The following ABCB11 variants were observed in gnomAD, a reference collection of about 807,000 sequenced individuals.
ABCB11 encodes the protein ATP binding cassette subfamily B member 11, also known as bile salt export pump.
Under a neutral mutation model 148.0 loss-of-function variants are expected in ABCB11, and 95 were observed. The ratio of observed to expected loss-of-function variants is 0.64; its 90% confidence interval spans 0.54 to 0.76. The LOEUF (loss-of-function observed/expected upper bound fraction) is 0.76, where lower values mean the gene tolerates loss of function less well. ABCB11 is among the 30% of genes least tolerant of loss of function. The probability of loss-of-function intolerance (pLI) is 0.00; values close to 1 mark genes in which losing one functional copy is unlikely to be tolerated. For missense variants in ABCB11, 1,523 were observed against 1,617.8 expected, an observed-to-expected ratio of 0.94 and a Z score of 1.01; for synonymous variants, 591 against 555.4, an observed-to-expected ratio of 1.06 and a Z score of -0.90.
rs891629448 is a variant in ABCB11, at chr2:168,922,199, C to T, written c.*1423G>A. ...TTTCCCCAGAAAATCATTCTTCAAT[C>T]TCCTGCCAGAAGAGAGGGGCTGGGA... On this transcript the variant is annotated 3_prime_UTR_variant, in exon 28 of 28. Transcript: ENST00000650372. Among the ~76,000 whole-genome samples, 6 of 152,164 alleles carry T rather than the reference C, an allele frequency of 3.9e-5. No individual in the cohort carries two copies. Among genetic ancestry groups the T allele is most frequent in the Non-Finnish European group, 7.3e-5 (5 of 68,030 alleles).
At chr2:168,977,801 G>A (rs1558903513) in intron 11 of ABCB11, among the ~76,000 whole-genome samples, 2 of 152,118 alleles carry the variant, frequency 1.3e-5, no homozygotes, top group African/African-American at 4.8e-5. Context: ...CTTTAAAACC[G>A]TCAGATCTCA....
intron 23 of ABCB11, among the ~76,000 whole-genome samples, 193 bp from the exon 24 acceptor site, chr2:168,932,726 A>G (rs1346591079): frequency 6.6e-6 from 1 of 152,166 alleles, no homozygotes; most frequent in Non-Finnish European, 1.5e-5. Context: ...ACTGTGTTCT[A>G]TGAAAAAGGA....
At position 169,018,772 on chromosome 2, in the gene ABCB11, C is replaced by T. The variant is rs556084901; in HGVS notation, c.-27-620G>A. Among the ~76,000 whole-genome samples the T allele has an allele frequency of 2.0e-5, 3 of 152,240 alleles. No homozygotes were observed. In the South Asian group the frequency reaches 6.2e-4, roughly 32 times the overall value. ...AATTCCAGGATATAGACACTCGATT[C>T]AGCATGAAGTTTATGCTTCACTAAC... On this transcript the variant is annotated intron_variant, in intron 1 of 27. Transcript: ENST00000650372.
chr2:168,986,802 G>A (rs10199881), intron 9 of ABCB11, among the ~76,000 whole-genome samples: 9,508 of 152,140 alleles, frequency 0.062, 986 homozygotes, highest in African/African-American at 0.21. Flanking sequence ...ACAGCCATGA[G>A]ACATGGATAA....
intron 18 of ABCB11, among the ~76,000 whole-genome samples, chr2:168,959,729 C>T (rs1368613598): frequency 1.3e-5 from 2 of 151,516 alleles, no homozygotes; most frequent in Non-Finnish European, 3.0e-5. Flanking sequence ...GAGTCAGGCT[C>T]CTCAAGCCCA....
chr2:168,973,740 C>G lies in ABCB11; in HGVS notation c.1409G>C (p.Arg470Pro). ...CATTCCTTCACAGGGGTCATAGAATCGCTGAATGAGTTGCAGTGCTGTACT... is the reference window on the plus strand; with the variant it reads ...CATTCCTTCACAGGGGTCATAGAATGGCTGAATGAGTTGCAGTGCTGTACT... ...GKSTALQLIQ[R>P]FYDPCEGMVT... The change falls in exon 13 of 28, where the codon CGA becomes CCA. Residue 470 changes from arginine (R) to proline (P), a missense_variant. Coordinates refer to ENST00000650372, the MANE Select transcript of ABCB11 (RefSeq NM_003742.4). 6.2e-7 allele frequency: 1 copy of G among 1,612,030 alleles called. No homozygotes were observed. Among genetic ancestry groups the G allele is most frequent in the Non-Finnish European group, 8.5e-7 (1 of 1,178,534 alleles).
At chr2:168,969,131 A>AC (rs1491587143) in intron 16 of ABCB11, among the ~76,000 whole-genome samples, 3 of 132,718 alleles carry the variant, frequency 2.3e-5, no homozygotes, top group Non-Finnish European at 4.7e-5. Context: ...AAAAAAAAAA[A>AC]GGGGGGGATG....
At chr2:168,929,946 CA>C (rs993518740) in intron 25 of ABCB11, among the ~76,000 whole-genome samples, 21 of 152,006 alleles carry the variant, frequency 1.4e-4, no homozygotes, top group Non-Finnish European at 2.6e-4. Flanking sequence ...ATTGGGAGAT[CA>C]AAAAACATCA....
At chr2:169,027,142 TATTAA>T (rs1169276017) in intron 1 of ABCB11, among the ~76,000 whole-genome samples, 6 of 152,348 alleles carry the variant, frequency 3.9e-5, no homozygotes, top group African/African-American at 1.4e-4. Flanking sequence ...CACTTTAACA[TATTAA>T]ATTATTTTAA....
At chr2:168,969,576 T>G in intron 15 of ABCB11, 25 bp from the exon 16 acceptor site, 1 of 1,591,024 alleles carries the variant, frequency 6.3e-7, no homozygotes, top group Non-Finnish European at 8.6e-7. Context: ...AGTGCACCAT[T>G]AAACAAAACT....
intron 5 of ABCB11, among the ~76,000 whole-genome samples, chr2:169,009,112 G>A (rs1695102552): frequency 6.6e-6 from 1 of 152,152 alleles, no homozygotes; most frequent in African/African-American, 2.4e-5. Context: ...CTAGGGATAG[G>A]GAGGAGGATG....
rs1553471287 is a variant in ABCB11 at position 169,003,347 on chromosome 2, T to TGC, written c.390-6627_390-6626dup. Among the ~76,000 whole-genome samples the TGC allele has an allele frequency of 6.8e-4, 101 of 148,230 alleles. 1 individual carries two copies. Among genetic ancestry groups the TGC allele is most frequent in the African/African-American group, 2.4e-3 (98 of 40,364 alleles). ...GCGTGTGTGTGTGTGTGTGTGTGTGTGCATATATATATATATGCACACACA... is the reference window on the plus strand; with the variant it reads ...GCGTGTGTGTGTGTGTGTGTGTGTGTGCGCATATATATATATATGCACACACA... On this transcript the variant is annotated intron_variant, in intron 5 of 27. Transcript: ENST00000650372.
At chr2:168,988,456 A>G (rs1335107571) in intron 9 of ABCB11, among the ~76,000 whole-genome samples, 1 of 152,132 alleles carries the variant, frequency 6.6e-6, no homozygotes, top group Non-Finnish European at 1.5e-5. Context: ...AAGGCTGAAT[A>G]GTATTCTATT....
intron 10 of ABCB11, among the ~76,000 whole-genome samples, chr2:168,984,671 C>A (rs1573939895): frequency 6.6e-6 from 1 of 152,118 alleles, no homozygotes; most frequent in African/African-American, 2.4e-5. Flanking sequence ...ATTTTCATGG[C>A]ATATTTTCTT....
intron 22 of ABCB11, among the ~76,000 whole-genome samples, 171 bp from the exon 23 acceptor site, chr2:168,935,596 G>A (rs1277421392): frequency 2.6e-5 from 4 of 152,158 alleles, no homozygotes; most frequent in African/African-American, 7.2e-5. Context: ...ACTGGACCAC[G>A]AGACAATTTT....
At chr2:168,941,709 C>T (rs1574412416) in intron 21 of ABCB11, among the ~76,000 whole-genome samples, 1 of 152,016 alleles carries the variant, frequency 6.6e-6, no homozygotes, top group Non-Finnish European at 1.5e-5. Context: ...TTACATGCTA[C>T]AAATAAATCT....
chr2:168,930,991 T>C, intron 24 of ABCB11, 129 bp from the exon 25 acceptor site: 1 of 748,504 alleles, frequency 1.3e-6, no homozygotes. Context: ...GTGCAAAGTA[T>C]AAAGACAGCA....
chr2:169,023,525 C>T (rs546691715), intron 1 of ABCB11, among the ~76,000 whole-genome samples: 4 of 152,152 alleles, frequency 2.6e-5, no homozygotes, highest in African/African-American at 9.6e-5. Flanking sequence ...TACAAATGAA[C>T]AAGAGATTGA....
chr2:168,948,097 G>A (rs1427583771), intron 19 of ABCB11, among the ~76,000 whole-genome samples: 1 of 151,670 alleles, frequency 6.6e-6, no homozygotes, highest in Non-Finnish European at 1.5e-5. Context: ...AACTAGAAGA[G>A]CCAGTTTCAG....
Sources: allele counts gnomAD v4.1 joint callset (sites outside exome capture counted in the v4.1 genomes callset), GRCh38; gene constraint gnomAD v4.1.1; transcripts MANE v1.5; gene names NCBI Gene and HGNC (gene_info 2026-07-23, HGNC 2026-07-21).